The following SVIP variants were observed in gnomAD, a reference collection of about 807,000 sequenced individuals.
SVIP encodes small VCP/p97-interacting protein.
A neutral mutation model predicts 12.9 loss-of-function variants in SVIP; 14 were observed. The ratio of observed to expected loss-of-function variants is 1.08; its 90% CI spans 0.72 to 1.70. The LOEUF (loss-of-function observed/expected upper bound fraction) is 1.70, where lower values mean the gene tolerates loss of function less well. Ranked by LOEUF, SVIP falls within the 40% of genes most tolerant of loss-of-function variation. The pLI, the probability that SVIP is intolerant of heterozygous loss-of-function variation, is 0.00. For synonymous variants in SVIP, 35 were observed against 33.3 expected, an observed-to-expected ratio of 1.05 and a Z score of -0.17; for missense variants, 93 against 90.8, an observed-to-expected ratio of 1.02 and a Z score of -0.10.
At chr11:22,828,974 C>G (rs1857836694) in intron 1 of SVIP, among the ~76,000 whole-genome samples, 1 of 152,154 alleles carries the variant, frequency 6.6e-6, no homozygotes, top group Non-Finnish European at 1.5e-5. Flanking sequence ...CACCCACTAG[C>G]TACATTTGAA....
intron 1 of SVIP, among the ~76,000 whole-genome samples, 180 bp from the exon 2 acceptor site, chr11:22,828,054 CA>C (rs1857789790): frequency 6.6e-6 from 1 of 152,166 alleles, no homozygotes; most frequent in South Asian, 2.1e-4. Flanking sequence ...AATATGCCTT[CA>C]AATCAGCACA....
rs1165402104 is a variant in SVIP, at chr11:22,819,177, G to T, written c.*3942C>A. 3 of 152,080 alleles carry T rather than the reference G, an allele frequency of 2.0e-5. No individual in the cohort carries two copies. The highest frequency in any genetic ancestry group is 4.4e-5 in the Non-Finnish European group (3 of 68,006). 9.4% of individuals were successfully genotyped at this position (152,080 alleles called of 1,614,324 possible). A position where few individuals can be genotyped will look rare whatever the true frequency, so the allele number is the denominator to read the frequency against. On this transcript the variant is annotated 3_prime_UTR_variant, in exon 4 of 4. Coordinates refer to ENST00000354193, the MANE Select transcript of SVIP (RefSeq NM_148893.3). ...GAGAATTTTCTACCTGAGACACTTG[G>T]TATTAACCTACTTTAAATATATCTG...
chr11:22,823,649 T>G (rs556825558), intron 3 of SVIP, among the ~76,000 whole-genome samples: 3 of 152,316 alleles, frequency 2.0e-5, no homozygotes, highest in Admixed American at 2.0e-4. Context: ...GAGACAAGCT[T>G]ATAATGAATC....
chr11:22,823,114 A>G lies in SVIP; in HGVS notation c.*5T>C, dbSNP rs761372836. On this transcript the variant is annotated 3_prime_UTR_variant, in exon 4 of 4. Coordinates refer to ENST00000354193, the MANE Select transcript of SVIP (RefSeq NM_148893.3). ...GGCAGTAGATTCTTCTACTCATGTT[A>G]TGCTTTATGAAACTGTCCACTAGAA... The G allele has an allele frequency of 7.5e-6, 12 of 1,591,312 alleles. No individual in the cohort carries two copies. Among genetic ancestry groups the G allele is most frequent in the Non-Finnish European group, 1.0e-5 (12 of 1,169,210 alleles).
At position 22,819,557 on chromosome 11, in the gene SVIP, G is replaced by A. The variant is rs964007213; in HGVS notation, c.*3562C>T. ...GAGGCCAAGGCGGCAGGGATCACCT[G>A]AGGTCAGGAGTTCGAGACCAGCCTG... On this transcript the variant is annotated 3_prime_UTR_variant, in exon 4 of 4. Transcript: ENST00000354193. 1.1e-4 allele frequency: 16 copies of A among 152,284 alleles called. No individual in the cohort carries two copies. The highest frequency in any genetic ancestry group is 3.9e-4 in the African/African-American group (16 of 41,456). The allele number at this position is 152,284 out of a possible 1,614,324, so 9.4% of individuals were successfully genotyped here.
chr11:22,824,485 T>TATATGTAC lies in SVIP; in HGVS notation c.220-1353_220-1352insGTACATAT, dbSNP rs1466934009. On this transcript the variant is annotated intron_variant, in intron 3 of 3. Transcript: ENST00000354193. The stretch of plus-strand genomic sequence containing the variant: ...ACACATATATATACGTATATATATA[T>TATATGTAC]GTATATATATACGTATATATATACA... Among the ~76,000 whole-genome samples the TATATGTAC allele has an allele frequency of 4.2e-5, 6 of 141,230 alleles. No individual in the cohort carries two copies. The South Asian group carries it at 9.3e-4, about 22-fold the overall frequency. 92.7% of individuals were successfully genotyped at this position (141,230 alleles called of 152,430 possible).
rs1857518944 is a variant in SVIP, at chr11:22,822,394, C to T, written c.*725G>A. ...ATTAGTTTAACTCATTCAATTACTA[C>T]AAAGATCCTTACAGAGCTGAATTTA... On this transcript the variant is annotated 3_prime_UTR_variant, in exon 4 of 4. Transcript: ENST00000354193. 1 of 152,090 alleles carries T rather than the reference C, an allele frequency of 6.6e-6. No homozygotes were observed. The highest frequency in any genetic ancestry group is 2.4e-5 in the African/African-American group (1 of 41,426). The allele number at this position is 152,090 out of a possible 1,614,324, so 9.4% of individuals were successfully genotyped here. A position where few individuals can be genotyped will look rare whatever the true frequency, so the allele number is the denominator to read the frequency against.
intron 3 of SVIP, 116 bp downstream of exon 3, chr11:22,827,091 A>C: frequency 1.3e-6 from 1 of 783,682 alleles, no homozygotes. Flanking sequence ...TCATGCTTTT[A>C]AACTATTTCA....
Position 22,821,888 on chromosome 11 carries a change from A to C in SVIP, c.*1231T>G, listed in dbSNP as rs949007058. The C allele has an allele frequency of 1.3e-5, 2 of 152,206 alleles. No individual in the cohort carries two copies. The highest frequency in any genetic ancestry group is 1.3e-4 in the Admixed American group (2 of 15,282). The allele number at this position is 152,206 out of a possible 1,614,324, so 9.4% of individuals were successfully genotyped here. ...CATGTACAATACACTGCAGTATAACATAATTTTTGTTGGAGGGGTAGATGA... is the reference window on the plus strand; with the variant it reads ...CATGTACAATACACTGCAGTATAACCTAATTTTTGTTGGAGGGGTAGATGA... On this transcript the variant is annotated 3_prime_UTR_variant, in exon 4 of 4. Transcript: ENST00000354193.
intron 3 of SVIP, among the ~76,000 whole-genome samples, chr11:22,826,343 TATGTATGTGC>T (rs1206678217): frequency 6.6e-6 from 1 of 151,194 alleles, no homozygotes; most frequent in Non-Finnish European, 1.5e-5. Context: ...TGTCCATGTA[TATGTATGTGC>T]ATGTGTGTGT....
intron 1 of SVIP, among the ~76,000 whole-genome samples, chr11:22,828,900 G>T (rs1480738535): frequency 6.6e-6 from 1 of 152,112 alleles, no homozygotes; most frequent in Non-Finnish European, 1.5e-5. Context: ...CTCCCTGTAA[G>T]GAGTACTAAT....
rs1185035648 is a variant in SVIP at position 22,819,823 on chromosome 11, C to G, written c.*3296G>C. 6.6e-6 allele frequency: 1 copy of G among 152,122 alleles called. No individual in the cohort carries two copies. The highest frequency in any genetic ancestry group is 1.5e-5 in the Non-Finnish European group (1 of 68,048). The allele number at this position is 152,122 out of a possible 1,614,324, so 9.4% of individuals were successfully genotyped here. A position where few individuals can be genotyped will look rare whatever the true frequency, so the allele number is the denominator to read the frequency against. On this transcript the variant is annotated 3_prime_UTR_variant, in exon 4 of 4. Coordinates refer to ENST00000354193, the MANE Select transcript of SVIP (RefSeq NM_148893.3). ...GCCAATGCAATTCAGGATATAATAA[C>G]AAAAAAGTATGATATCCACAGGAGT...
Position 22,821,725 on chromosome 11 carries a change from AAAG to A in SVIP, c.*1391_*1393del, listed in dbSNP as rs1216507905. 1.5e-4 allele frequency: 23 copies of A among 152,340 alleles called. No homozygotes were observed. The highest frequency in any genetic ancestry group is 5.1e-4 in the African/African-American group (21 of 41,582). The allele number at this position is 152,340 out of a possible 1,614,324, so 9.4% of individuals were successfully genotyped here. ...TGAACAAAAACAGCACGAATCCTCT[AAAG>A]AAGAAAATTGAGCCAAATTGTTATG... On this transcript the variant is annotated 3_prime_UTR_variant, in exon 4 of 4. Transcript: ENST00000354193.
intron 3 of SVIP, among the ~76,000 whole-genome samples, chr11:22,826,284 GC>G (rs765455094): frequency 9.9e-4 from 150 of 152,056 alleles, no homozygotes; most frequent in Admixed American, 2.2e-3. Context: ...TAAACTGCCT[GC>G]CCCACAAGTT....
In SVIP at chr11:22,823,144, T is replaced by TA. The variant is rs774685648; in HGVS notation, c.220-12dup. ...TTATGAAACTGTCCACTAGAAAAGA[T>TA]AAAAAAGAGACAGAAAAGTAAATTT... is the stretch of plus-strand genomic sequence containing the variant. On this transcript the variant is annotated splice_polypyrimidine_tract_variant and intron_variant, in intron 3 of 3. Transcript: ENST00000354193. 22 of 1,585,236 alleles carry TA rather than the reference T, an allele frequency of 1.4e-5. No homozygotes were observed. Among genetic ancestry groups the TA allele is most frequent in the Non-Finnish European group, 1.7e-5 (20 of 1,164,632 alleles).
intron 3 of SVIP, among the ~76,000 whole-genome samples, chr11:22,825,522 A>C (rs1277445473): frequency 6.6e-6 from 1 of 152,194 alleles, no homozygotes; most frequent in Non-Finnish European, 1.5e-5. Flanking sequence ...AAGGTCCTGA[A>C]GGTCATTTTT....
intron 3 of SVIP, among the ~76,000 whole-genome samples, chr11:22,823,807 C>G (rs1293589429): frequency 6.6e-6 from 1 of 152,184 alleles, no homozygotes; most frequent in African/African-American, 2.4e-5. Context: ...TCACTGCAGC[C>G]TTAACCTCGC....
At position 22,821,290 on chromosome 11, in the gene SVIP, G is replaced by A. The variant is rs958795552; in HGVS notation, c.*1829C>T. 4.0e-5 allele frequency: 6 copies of A among 151,310 alleles called. No individual in the cohort carries two copies. Among genetic ancestry groups the A allele is most frequent in the African/African-American group, 1.2e-4 (5 of 41,202 alleles). 9.4% of individuals were successfully genotyped at this position (151,310 alleles called of 1,614,324 possible). On this transcript the variant is annotated 3_prime_UTR_variant, in exon 4 of 4. Coordinates refer to ENST00000354193, the MANE Select transcript of SVIP (RefSeq NM_148893.3). ...TTGGGTACCACCCCTTAGCTCCTGC[G>A]ACCCATGTGGTTTTGGAGAAAGCTG...
intron 1 of SVIP, chr11:22,829,181 G>C: frequency 6.6e-6 from 1 of 152,360 alleles, no homozygotes; most frequent in Non-Finnish European, 1.5e-5. Flanking sequence ...GTAAAAGAAT[G>C]AGATAAATAC....
Sources: gnomAD v4.1 joint callset for allele counts (sites outside exome capture counted in the v4.1 genomes callset) on GRCh38, gnomAD v4.1.1 for gene constraint, MANE v1.5 for transcripts, NCBI Gene and HGNC (gene_info 2026-07-23, HGNC 2026-07-21) for gene names.